The following PTPRD variants were observed in gnomAD, a reference collection of about 807,000 sequenced individuals.
PTPRD encodes protein tyrosine phosphatase receptor type D, also known as receptor-type tyrosine-protein phosphatase delta.
PTPRD carries 34 observed loss-of-function variants against 214.5 expected under a neutral mutation model. The ratio of observed to expected loss-of-function variants is 0.16; its 90% CI spans 0.12 to 0.21. The LOEUF (loss-of-function observed/expected upper bound fraction) is 0.21, where lower values mean the gene tolerates loss of function less well. PTPRD is among the 10% of genes least tolerant of loss of function. The probability of loss-of-function intolerance (pLI) is 1.00; values close to 1 mark genes in which losing one functional copy is unlikely to be tolerated. For missense variants in PTPRD, 2,545 were observed against 2,398.7 expected (o/e 1.06, Z -1.27); for synonymous variants, 1,128 against 845.7 (o/e 1.33, Z -5.79).
At chr9:8,732,028 C>G (rs1565636366) in intron 12 of PTPRD, among the ~76,000 whole-genome samples, 2 of 152,168 alleles carry the variant, frequency 1.3e-5, no homozygotes, top group Non-Finnish European at 2.9e-5. Flanking sequence ...AAATTGCTAA[C>G]AAGGGCCTTT....
chr9:8,644,871 G>A (rs2096654095), intron 12 of PTPRD, among the ~76,000 whole-genome samples: 1 of 152,154 alleles, frequency 6.6e-6, no homozygotes, highest in Non-Finnish European at 1.5e-5. Flanking sequence ...CCGGTAGTGT[G>A]AGCTGAGTGC....
intron 14 of PTPRD, among the ~76,000 whole-genome samples, chr9:8,583,302 G>C (rs1207316412): frequency 3.9e-5 from 4 of 102,560 alleles, no homozygotes; most frequent in Admixed American, 1.7e-4. Context: ...ATGATCTGTG[G>C]CCCAGGGTTG....
chr9:10,258,671 T>C (rs1319045302), intron 3 of PTPRD, among the ~76,000 whole-genome samples: 2 of 152,192 alleles, frequency 1.3e-5, no homozygotes, highest in African/African-American at 2.4e-5. Flanking sequence ...CCTATAGAAA[T>C]ACCAAATTTG....
In PTPRD at chr9:9,985,698, C is replaced by T. The variant is rs570185978; in HGVS notation, c.-471-47088G>A. Among the ~76,000 whole-genome samples the T allele has an allele frequency of 3.3e-5, 5 of 151,712 alleles. No homozygotes were observed. In the East Asian group the frequency reaches 7.7e-4, roughly 23 times the overall value. ...AATTATATTTTTAAAATATTATGTC[C>T]ACATGGCATAAATATAAGTGATATT... is the stretch of plus-strand genomic sequence containing the variant. On this transcript the variant is annotated intron_variant, in intron 4 of 45. Transcript: ENST00000381196.
intron 2 of PTPRD, among the ~76,000 whole-genome samples, chr9:10,564,719 T>C (rs1390279804): frequency 6.6e-6 from 1 of 152,194 alleles, no homozygotes; most frequent in Non-Finnish European, 1.5e-5. Context: ...TTTGCTGTTC[T>C]AGCCTTTCAA....
intron 2 of PTPRD, among the ~76,000 whole-genome samples, chr9:10,605,007 G>A (rs1009134412): frequency 6.6e-6 from 1 of 151,892 alleles, no homozygotes; most frequent in Middle Eastern, 3.4e-3. Context: ...AGTCATAGAT[G>A]TTTCCATGAT....
chr9:9,835,705 C>G (rs1471891726), intron 5 of PTPRD, among the ~76,000 whole-genome samples: 1 of 152,082 alleles, frequency 6.6e-6, no homozygotes, highest in African/African-American at 2.4e-5. Flanking sequence ...TAAGTATTTC[C>G]TGATCTACTT....
intron 2 of PTPRD, among the ~76,000 whole-genome samples, chr9:10,433,139 A>G (rs905907790): frequency 6.6e-6 from 1 of 151,944 alleles, no homozygotes; most frequent in African/African-American, 2.4e-5. Context: ...CTAGATCAAA[A>G]GCAGCTGTCA....
At chr9:9,754,111 A>G (rs1166441066) in intron 6 of PTPRD, among the ~76,000 whole-genome samples, 28 of 152,094 alleles carry the variant, frequency 1.8e-4, no homozygotes, top group Admixed American at 1.8e-3. Context: ...TATGCTCAGT[A>G]AAAACTGATT....
intron 5 of PTPRD, among the ~76,000 whole-genome samples, chr9:9,808,821 G>C (rs1044641849): frequency 3.3e-5 from 5 of 152,060 alleles, no homozygotes; most frequent in Non-Finnish European, 5.9e-5. Flanking sequence ...TTACAGGCTA[G>C]AACGCAGTGG....
chr9:10,452,517 C>T (rs987236604), intron 2 of PTPRD, among the ~76,000 whole-genome samples: 2 of 151,740 alleles, frequency 1.3e-5, no homozygotes, highest in African/African-American at 4.8e-5. Context: ...GCCACCCTAA[C>T]ATGTGGGAAG....
At chr9:8,902,345 CTT>C (rs36112845) in intron 11 of PTPRD, among the ~76,000 whole-genome samples, 157 of 133,124 alleles carry the variant, frequency 1.2e-3, no homozygotes, top group Non-Finnish European at 1.6e-3. Flanking sequence ...CTTTCTTTTT[CTT>C]TTTTTTTTTT....
chr9:8,786,492 C>T (rs1333682713), intron 11 of PTPRD, among the ~76,000 whole-genome samples: 1 of 146,432 alleles, frequency 6.8e-6, no homozygotes, highest in African/African-American at 2.6e-5. Flanking sequence ...TCAACTGCAA[C>T]CTTCGCTTCC....
At chr9:9,780,549 A>T (rs943407324) in intron 5 of PTPRD, among the ~76,000 whole-genome samples, 1 of 152,228 alleles carries the variant, frequency 6.6e-6, no homozygotes, top group African/African-American at 2.4e-5. Context: ...ACCAAATGTT[A>T]GCAAACACAG....
intron 5 of PTPRD, among the ~76,000 whole-genome samples, chr9:9,875,982 A>G (rs2066743184): frequency 6.6e-6 from 1 of 152,074 alleles, no homozygotes; most frequent in Non-Finnish European, 1.5e-5. Context: ...GGAGATCCTG[A>G]CTTTGTTTTG....
At chr9:9,525,705 A>G (rs1037261491) in intron 8 of PTPRD, among the ~76,000 whole-genome samples, 1 of 152,138 alleles carries the variant, frequency 6.6e-6, no homozygotes, top group Non-Finnish European at 1.5e-5. Context: ...AATAAAAATA[A>G]GGCAGAGAAA....
chr9:9,408,319 AATACC>A (rs1304219911), intron 8 of PTPRD, among the ~76,000 whole-genome samples: 1 of 151,844 alleles, frequency 6.6e-6, no homozygotes, highest in African/African-American at 2.4e-5. Flanking sequence ...AAACAAATAA[AATACC>A]ATTTATGAGA....
chr9:9,955,508 T>C (rs1033834282), intron 4 of PTPRD, among the ~76,000 whole-genome samples: 1 of 146,146 alleles, frequency 6.8e-6, no homozygotes, highest in African/African-American at 2.6e-5. Context: ...TTTCGTTTTT[T>C]TTGTTTTGTT....
At chr9:10,365,173 C>T (rs1261133899) in intron 2 of PTPRD, among the ~76,000 whole-genome samples, 2 of 152,130 alleles carry the variant, frequency 1.3e-5, no homozygotes, top group Non-Finnish European at 1.5e-5. Context: ...CCCAGTTCTC[C>T]AATTATTCTT....
Sources: gnomAD v4.1 joint callset for allele counts (sites outside exome capture counted in the v4.1 genomes callset) on GRCh38, gnomAD v4.1.1 for gene constraint, MANE v1.5 for transcripts, NCBI Gene and HGNC (gene_info 2026-07-23, HGNC 2026-07-21) for gene names.